Variants in KCNH8 observed in about 807,000 individuals in gnomAD.
KCNH8 encodes the protein potassium voltage-gated channel subfamily H member 8, also known as voltage-gated delayed rectifier potassium channel KCNH8.
Under a neutral mutation model 103.6 loss-of-function variants are expected in KCNH8, and 70 were observed. The observed-to-expected ratio is 0.68, with a 90% CI of 0.56 to 0.82. KCNH8 has a LOEUF of 0.82. Among genes scored for constraint, KCNH8 ranks in the 40% least tolerant of loss-of-function variants. The pLI is 0.00. For synonymous variants in KCNH8, 498 were observed against 489.4 expected, an observed-to-expected ratio of 1.02 and a Z score of -0.23; for missense variants, 1,217 against 1,329.9, an observed-to-expected ratio of 0.92 and a Z score of 1.32.
rs114048260 is a variant in KCNH8 at position 19,363,620 on chromosome 3, C to T, written c.811+15655C>T. Among the ~76,000 whole-genome samples the T allele has an allele frequency of 2.8e-3, 425 of 152,254 alleles. 5 individuals carry two copies. Among genetic ancestry groups the T allele is most frequent in the African/African-American group, 8.8e-3 (365 of 41,562 alleles). On this transcript the variant is annotated intron_variant, in intron 5 of 15. Coordinates refer to ENST00000328405, the MANE Select transcript of KCNH8 (RefSeq NM_144633.3). Reference sequence around the variant, plus strand: ...TGCATAACCTATATAATCTCCGTTTCGTGTTAAATGGAACTAAGGGGTAGT... The same window carrying T: ...TGCATAACCTATATAATCTCCGTTTTGTGTTAAATGGAACTAAGGGGTAGT...
intron 1 of KCNH8, among the ~76,000 whole-genome samples, chr3:19,194,780 T>C (rs1343932409): frequency 1.3e-5 from 2 of 151,654 alleles, no homozygotes; most frequent in Non-Finnish European, 3.0e-5. Flanking sequence ...GAATCTAAAA[T>C]ATAAGCTAAA....
intron 8 of KCNH8, among the ~76,000 whole-genome samples, chr3:19,443,524 A>G (rs995439360): frequency 5.9e-5 from 9 of 151,532 alleles, no homozygotes; most frequent in Middle Eastern, 3.2e-3. Context: ...AGGCATCTGT[A>G]ATTATGGAGT....
intron 1 of KCNH8, among the ~76,000 whole-genome samples, chr3:19,236,282 G>GT (rs2064063862): frequency 6.6e-6 from 1 of 152,188 alleles, no homozygotes; most frequent in African/African-American, 2.4e-5. Flanking sequence ...CTTCCTCCGT[G>GT]TGGGGGTGGG....
intron 7 of KCNH8, among the ~76,000 whole-genome samples, chr3:19,404,728 G>A (rs978621836): frequency 6.6e-6 from 1 of 151,874 alleles, no homozygotes; most frequent in African/African-American, 2.4e-5. Flanking sequence ...TGGGAGCAAT[G>A]TGATCTACTG....
At chr3:19,441,339 C>T (rs2067281250) in intron 8 of KCNH8, among the ~76,000 whole-genome samples, 1 of 152,148 alleles carries the variant, frequency 6.6e-6, no homozygotes, top group African/African-American at 2.4e-5. Flanking sequence ...CCTCTATGCT[C>T]CCTTTTTATT....
chr3:19,331,313 G>A (rs1036746424), intron 3 of KCNH8, among the ~76,000 whole-genome samples: 1 of 148,240 alleles, frequency 6.7e-6, no homozygotes, highest in African/African-American at 2.5e-5. Flanking sequence ...ATTATTTTGA[G>A]ATGGAGTCTT....
chr3:19,411,977 ATT>A (rs1008684723), intron 7 of KCNH8, among the ~76,000 whole-genome samples: 3 of 151,990 alleles, frequency 2.0e-5, no homozygotes, highest in South Asian at 2.1e-4. Flanking sequence ...ACTCAGCACT[ATT>A]TATATTAAAC....
intron 1 of KCNH8, among the ~76,000 whole-genome samples, chr3:19,235,440 G>A (rs1006931214): frequency 4.6e-5 from 7 of 152,166 alleles, no homozygotes; most frequent in Admixed American, 6.5e-5. Context: ...GCATACATAT[G>A]TATCTTCTGG....
chr3:19,511,254 T>C (rs2125241409), intron 12 of KCNH8, among the ~76,000 whole-genome samples: 1 of 152,048 alleles, frequency 6.6e-6, no homozygotes, highest in Non-Finnish European at 1.5e-5. Context: ...TTTGGTTTTC[T>C]GATTGTGATA....
intron 15 of KCNH8, among the ~76,000 whole-genome samples, 168 bp from the exon 16 acceptor site, chr3:19,533,226 GA>G (rs77079671): frequency 0.046 from 6,727 of 145,028 alleles, 169 homozygotes; most frequent in Non-Finnish European, 0.054. Flanking sequence ...AAAGGAAAAA[GA>G]AAAAAAAAAT....
At chr3:19,175,763 C>T (rs2063393948) in intron 1 of KCNH8, among the ~76,000 whole-genome samples, 1 of 152,140 alleles carries the variant, frequency 6.6e-6, no homozygotes, top group Non-Finnish European at 1.5e-5. Context: ...GATTTGTCAT[C>T]TTGATTCTTC....
At chr3:19,416,474 C>T (rs2066864761) in intron 7 of KCNH8, among the ~76,000 whole-genome samples, 1 of 152,044 alleles carries the variant, frequency 6.6e-6, no homozygotes, top group African/African-American at 2.4e-5. Context: ...AACATACTAC[C>T]TTCCTGTATT....
At chr3:19,302,730 C>A (rs926983375) in intron 3 of KCNH8, among the ~76,000 whole-genome samples, 1 of 152,176 alleles carries the variant, frequency 6.6e-6, no homozygotes, top group Non-Finnish European at 1.5e-5. Flanking sequence ...TCATCCCCAA[C>A]CCTTTATCAT....
intron 1 of KCNH8, among the ~76,000 whole-genome samples, chr3:19,196,718 T>C (rs2125214275): frequency 6.6e-6 from 1 of 152,210 alleles, no homozygotes; most frequent in African/African-American, 2.4e-5. Flanking sequence ...TGTGGTTCTC[T>C]GGATTCTCCT....
chr3:19,327,123 G>A (rs1575529653), intron 3 of KCNH8, among the ~76,000 whole-genome samples: 1 of 152,270 alleles, frequency 6.6e-6, no homozygotes, highest in African/African-American at 2.4e-5. Flanking sequence ...TATGGAAGCT[G>A]CGTAAGTCCA....
intron 11 of KCNH8, among the ~76,000 whole-genome samples, chr3:19,458,728 A>C (rs898029110): frequency 6.6e-6 from 1 of 151,992 alleles, no homozygotes; most frequent in African/African-American, 2.4e-5. Context: ...GTATCCTTTA[A>C]GCAACGTCTT....
chr3:19,362,619 A>G (rs2065961427), intron 5 of KCNH8, among the ~76,000 whole-genome samples: 1 of 152,126 alleles, frequency 6.6e-6, no homozygotes. Context: ...TGGCATGTTC[A>G]AGGTCATCAA....
intron 11 of KCNH8, among the ~76,000 whole-genome samples, chr3:19,498,501 G>A (rs2068496614): frequency 6.6e-6 from 1 of 152,106 alleles, no homozygotes; most frequent in Admixed American, 6.5e-5. Flanking sequence ...CTCCACTTAT[G>A]AAGCTTAGTT....
chr3:19,188,419 A>G (rs2063522356), intron 1 of KCNH8, among the ~76,000 whole-genome samples: 1 of 152,046 alleles, frequency 6.6e-6, no homozygotes, highest in South Asian at 2.1e-4. Flanking sequence ...GCAACCATAG[A>G]CAATATGTAA....
Sources: allele counts gnomAD v4.1 joint callset (sites outside exome capture counted in the v4.1 genomes callset), GRCh38; gene constraint gnomAD v4.1.1; transcripts MANE v1.5; gene names NCBI Gene and HGNC (gene_info 2026-07-23, HGNC 2026-07-21).